The following SMCO2 variants were observed in gnomAD, a reference collection of about 807,000 sequenced individuals.
The protein encoded by SMCO2 is single-pass membrane and coiled-coil domain-containing protein 2.
SMCO2 carries 25 observed loss-of-function variants against 29.5 expected under a neutral mutation model. The ratio of observed to expected loss-of-function variants is 0.85; its 90% CI spans 0.62 to 1.18. The LOEUF (loss-of-function observed/expected upper bound fraction) is 1.18, where lower values mean the gene tolerates loss of function less well. Among genes scored for constraint, SMCO2 ranks in the 50% most tolerant of loss-of-function variants. The pLI is 0.00. For synonymous variants in SMCO2, 117 were observed against 123.3 expected, an observed-to-expected ratio of 0.95 and a Z score of 0.34; for missense variants, 348 against 344.5, an observed-to-expected ratio of 1.01 and a Z score of -0.08.
At chr12:27,480,123 C>T (rs1345550485) in intron 4 of SMCO2, among the ~76,000 whole-genome samples, 1 of 152,168 alleles carries the variant, frequency 6.6e-6, no homozygotes, top group Admixed American at 6.5e-5. Context: ...AGGCTGATAT[C>T]CAAGGGCAAA....
At chr12:27,438,370 G>A in the SMCO2 span, among the ~76,000 whole-genome samples, 1 of 152,092 alleles carries the variant, frequency 6.6e-6, no homozygotes, top group Admixed American at 6.5e-5. Flanking sequence ...ATTCCATCCT[G>A]ATCTTCTCCT....
chr12:27,436,681 C>T, the SMCO2 span, among the ~76,000 whole-genome samples: 9 of 152,324 alleles, frequency 5.9e-5, no homozygotes, highest in African/African-American at 1.9e-4. Context: ...GCTCCATCCA[C>T]TCCATCCACT....
At position 27,480,316 on chromosome 12, in the gene SMCO2, A is replaced by G. The variant is rs182263958; in HGVS notation, c.362+5403A>G. 3.5e-3 allele frequency among the ~76,000 whole-genome samples: 534 copies of G among 152,238 alleles called. 4 individuals are homozygous for G. Among genetic ancestry groups the G allele is most frequent in the Admixed American group, 5.3e-3 (81 of 15,296 alleles). On this transcript the variant is annotated intron_variant, in intron 4 of 7. Coordinates refer to ENST00000298876, the Ensembl canonical transcript of SMCO2. ...TCCCAGTCCACTGACTCAAATGTCA[A>G]TCTCCTCTGGCAACACCCTCACAGA...
chr12:27,427,523 C>T, the SMCO2 span, among the ~76,000 whole-genome samples: 13 of 152,080 alleles, frequency 8.5e-5, no homozygotes, highest in Non-Finnish European at 1.9e-4. Context: ...TTTTGCCTAC[C>T]CTACTGCTTA....
At chr12:27,439,637 CAA>C in the SMCO2 span, among the ~76,000 whole-genome samples, 6 of 152,092 alleles carry the variant, frequency 3.9e-5, no homozygotes, top group African/African-American at 1.4e-4. Flanking sequence ...GGAAATCTAA[CAA>C]AGACACTGAA....
the SMCO2 span, among the ~76,000 whole-genome samples, chr12:27,460,957 T>C: frequency 2.9e-4 from 44 of 152,302 alleles, no homozygotes; most frequent in African/African-American, 1.0e-3. Context: ...ACCAAGTCAG[T>C]CCTGGCACAG....
chr12:27,473,173 T>C (rs1285197653), intron 3 of SMCO2: 23 of 319,740 alleles, frequency 7.2e-5, no homozygotes, highest in Non-Finnish European at 1.3e-4. Flanking sequence ...GTGACATTTC[T>C]CACCTTCGAG....
the SMCO2 span, among the ~76,000 whole-genome samples, chr12:27,434,126 G>T: frequency 1.3e-5 from 2 of 152,150 alleles, no homozygotes; most frequent in South Asian, 4.1e-4. Flanking sequence ...ATAACCTAGC[G>T]CCAAAACAGA....
At chr12:27,426,989 G>A in the SMCO2 span, among the ~76,000 whole-genome samples, 1 of 152,182 alleles carries the variant, frequency 6.6e-6, no homozygotes, top group Non-Finnish European at 1.5e-5. Flanking sequence ...TTTATCCTGT[G>A]CTATGCTCTT....
the SMCO2 span, among the ~76,000 whole-genome samples, chr12:27,448,689 A>G: frequency 1.3e-5 from 2 of 152,248 alleles, no homozygotes; most frequent in Non-Finnish European, 2.9e-5. Flanking sequence ...AAGGTGAGGC[A>G]GTAAACAAAT....
At chr12:27,453,562 G>T in the SMCO2 span, among the ~76,000 whole-genome samples, 1 of 152,206 alleles carries the variant, frequency 6.6e-6, no homozygotes, top group Non-Finnish European at 1.5e-5. Context: ...TCACTAAAAT[G>T]AACTGTCTGA....
At chr12:27,454,415 G>C in the SMCO2 span, among the ~76,000 whole-genome samples, 2 of 152,098 alleles carry the variant, frequency 1.3e-5, no homozygotes, top group Non-Finnish European at 2.9e-5. Flanking sequence ...TGTTTTAAAA[G>C]GACACCTCTG....
intron 4 of SMCO2, among the ~76,000 whole-genome samples, chr12:27,483,898 C>A (rs2135560967): frequency 6.6e-6 from 1 of 152,234 alleles, no homozygotes; most frequent in East Asian, 1.9e-4. Context: ...TGAATATAAG[C>A]CCATGATACG....
At chr12:27,450,293 T>G in the SMCO2 span, among the ~76,000 whole-genome samples, 1 of 146,892 alleles carries the variant, frequency 6.8e-6, no homozygotes, top group East Asian at 2.2e-4. Flanking sequence ...CTGGCCCTCC[T>G]CCCTCCCTGC....
rs114112470 is a variant in SMCO2 at position 27,467,691 on chromosome 12, A to G, written c.-11+716A>G. On this transcript the variant is annotated intron_variant, in intron 1 of 7. Transcript: ENST00000298876. Reference sequence around the variant, plus strand: ...TTATGTGTAATAGTAGGATGACTGCAAAACTTATAGTCAGAATTTGCAGGT... The same window carrying G: ...TTATGTGTAATAGTAGGATGACTGCGAAACTTATAGTCAGAATTTGCAGGT... Among the ~76,000 whole-genome samples the G allele has an allele frequency of 6.6e-3, 1,005 of 152,300 alleles. 16 individuals are homozygous for G. Among genetic ancestry groups the G allele is most frequent in the African/African-American group, 0.023 (970 of 41,564 alleles).
the SMCO2 span, among the ~76,000 whole-genome samples, chr12:27,445,665 A>G: frequency 9.6e-4 from 147 of 152,338 alleles, 1 homozygote; most frequent in African/African-American, 3.4e-3. Flanking sequence ...TTTAACAGTT[A>G]ACTCCACAGG....
At chr12:27,494,497 T>A (rs953895445) in intron 6 of SMCO2, 141 bp downstream of exon 7, 1 of 186,174 alleles carries the variant, frequency 5.4e-6, no homozygotes, top group African/African-American at 2.8e-5. Context: ...TTTATTATTA[T>A]TATTATTATT....
chr12:27,448,648 G>A, the SMCO2 span, among the ~76,000 whole-genome samples: 4 of 152,244 alleles, frequency 2.6e-5, no homozygotes, highest in South Asian at 8.3e-4. Context: ...CTAAACAAAA[G>A]TAAACAAGGG....
At chr12:27,451,357 T>C in the SMCO2 span, among the ~76,000 whole-genome samples, 6 of 152,282 alleles carry the variant, frequency 3.9e-5, no homozygotes, top group African/African-American at 1.2e-4. Flanking sequence ...GCACTCCCCA[T>C]TGGGGTTATA....
Sources: gnomAD v4.1 joint callset for allele counts (sites outside exome capture counted in the v4.1 genomes callset) on GRCh38, gnomAD v4.1.1 for gene constraint, MANE v1.5 for transcripts, NCBI Gene and HGNC (gene_info 2026-07-23, HGNC 2026-07-21) for gene names.